The following LAMA2 variants were observed in gnomAD, a reference collection of about 807,000 sequenced individuals.
LAMA2 encodes laminin subunit alpha 2.
In LAMA2, 269 loss-of-function variants were observed where a neutral mutation model predicts 364.8. That is an observed-to-expected ratio of 0.74 (90% CI 0.67 to 0.82). The LOEUF (loss-of-function observed/expected upper bound fraction) is 0.82. Among genes scored for constraint, LAMA2 ranks in the 40% least tolerant of loss-of-function variants. The pLI is 0.00. For missense variants in LAMA2, 3,807 were observed against 3,873.2 expected (o/e 0.98, Z 0.45); for synonymous variants, 1,379 against 1,370.6 (o/e 1.01, Z -0.14).
intron 12 of LAMA2, among the ~76,000 whole-genome samples, chr6:129,201,616 G>A (rs985205605): frequency 6.6e-6 from 1 of 152,140 alleles, no homozygotes; most frequent in African/African-American, 2.4e-5. Context: ...AGCCTTAAAA[G>A]AAGTCAACTT....
chr6:129,233,684 T>C (rs1784810858), intron 12 of LAMA2, among the ~76,000 whole-genome samples: 1 of 152,148 alleles, frequency 6.6e-6, no homozygotes, highest in South Asian at 2.1e-4. Flanking sequence ...CGCGTATAAA[T>C]GGACCGGACT....
intron 12 of LAMA2, among the ~76,000 whole-genome samples, chr6:129,229,915 G>T (rs1784573975): frequency 6.6e-6 from 1 of 152,140 alleles, no homozygotes; most frequent in Non-Finnish European, 1.5e-5. Flanking sequence ...AGTTAGAGAT[G>T]CCTATTATAT....
Position 129,158,212 on chromosome 6 carries a change from G to A in LAMA2, c.1206+3529G>A, listed in dbSNP as rs1779237908. The A allele has an allele frequency of 9.3e-6, 15 of 1,613,804 alleles. No homozygotes were observed. In the East Asian group the frequency reaches 3.1e-4, roughly 34 times the overall value. ...TGGTAATCAGTAATCAAATAGAGCT[G>A]AGTCCAGGAACCTGTACCTTTAATA... On this transcript the variant is annotated intron_variant, in intron 8 of 64. Transcript: ENST00000421865.
At chr6:129,194,146 C>T (rs1481269521) in intron 12 of LAMA2, among the ~76,000 whole-genome samples, 2 of 151,594 alleles carry the variant, frequency 1.3e-5, no homozygotes, top group Admixed American at 6.6e-5. Context: ...AACAAAACAG[C>T]ACATAAGACT....
In LAMA2 at chr6:129,193,170, T is replaced by C. The variant is rs149179622; in HGVS notation, c.1782+317T>C. 5.9e-5 allele frequency among the ~76,000 whole-genome samples: 9 copies of C among 152,352 alleles called. No homozygotes were observed. In the East Asian group the frequency reaches 1.5e-3, roughly 26 times the overall value. On this transcript the variant is annotated intron_variant, in intron 12 of 64. Coordinates refer to ENST00000421865, the MANE Select transcript of LAMA2 (RefSeq NM_000426.4). ...ATTGGAAGAAACTGTGTTGTGTTTA[T>C]GTGAAAAGAGCTGTTTTCTGGAGTT...
chr6:129,195,582 G>T (rs1391765863), intron 12 of LAMA2, among the ~76,000 whole-genome samples: 3 of 152,090 alleles, frequency 2.0e-5, no homozygotes, highest in African/African-American at 7.2e-5. Flanking sequence ...TTTCCCCTAT[G>T]TACCAGTGAA....
chr6:128,922,160 A>G (rs1235653325), intron 1 of LAMA2, among the ~76,000 whole-genome samples: 1 of 152,082 alleles, frequency 6.6e-6, no homozygotes, highest in Non-Finnish European at 1.5e-5. Context: ...AAATGCCACA[A>G]TAAACATACC....
At chr6:129,398,364 A>G (rs1779772769) in intron 37 of LAMA2, among the ~76,000 whole-genome samples, 1 of 152,082 alleles carries the variant, frequency 6.6e-6, no homozygotes, top group African/African-American at 2.4e-5. Context: ...AGTGAATGAC[A>G]TATCAAAACT....
At chr6:128,979,571 G>A (rs1404495562) in intron 1 of LAMA2, among the ~76,000 whole-genome samples, 1 of 152,214 alleles carries the variant, frequency 6.6e-6, no homozygotes, top group Non-Finnish European at 1.5e-5. Context: ...AAGGGATCTT[G>A]AAAAGCAAAG....
intron 34 of LAMA2, among the ~76,000 whole-genome samples, chr6:129,375,009 C>G (rs1778293503): frequency 6.6e-6 from 1 of 151,984 alleles, no homozygotes; most frequent in Non-Finnish European, 1.5e-5. Context: ...AGGAGCTACC[C>G]TCTCTTCTTT....
intron 1 of LAMA2, among the ~76,000 whole-genome samples, chr6:129,011,296 C>A (rs1231984467): frequency 2.0e-5 from 3 of 152,182 alleles, no homozygotes; most frequent in Non-Finnish European, 4.4e-5. Context: ...CTGAAATTAA[C>A]CACATACATC....
chr6:129,428,028 T>A (rs1781410276), intron 41 of LAMA2, among the ~76,000 whole-genome samples, 174 bp downstream of exon 41: 6 of 152,248 alleles, frequency 3.9e-5, no homozygotes, highest in Admixed American at 3.9e-4. Flanking sequence ...TGTCTACCTA[T>A]CTCACTTCAA....
intron 21 of LAMA2, among the ~76,000 whole-genome samples, chr6:129,298,484 A>G (rs1269727791): frequency 1.3e-5 from 2 of 152,194 alleles, no homozygotes; most frequent in Non-Finnish European, 2.9e-5. Context: ...ATCATGAGCT[A>G]AGAAAATATC....
chr6:129,383,464 CA>C (rs1258519572), intron 35 of LAMA2, among the ~76,000 whole-genome samples: 1 of 152,158 alleles, frequency 6.6e-6, no homozygotes, highest in Non-Finnish European at 1.5e-5. Context: ...GGCAGAATAG[CA>C]GTAAATTCTT....
intron 3 of LAMA2, among the ~76,000 whole-genome samples, chr6:129,088,984 G>C (rs1027714030): frequency 8.7e-6 from 1 of 115,560 alleles, no homozygotes; most frequent in Non-Finnish European, 2.1e-5. Context: ...GGAGGTTGTA[G>C]CTAGCCGAGA....
intron 4 of LAMA2, among the ~76,000 whole-genome samples, chr6:129,142,040 A>AAT (rs1778150774): frequency 6.6e-6 from 1 of 152,082 alleles, no homozygotes; most frequent in Admixed American, 6.6e-5. Context: ...CTGTATGTTG[A>AAT]GAGATTCCTC....
At chr6:129,045,245 CAAAGA>C (rs1212999126) in intron 1 of LAMA2, among the ~76,000 whole-genome samples, 1 of 152,020 alleles carries the variant, frequency 6.6e-6, no homozygotes, top group African/African-American at 2.4e-5. Flanking sequence ...AGAAACAAAT[CAAAGA>C]AAAGAATTGA....
intron 21 of LAMA2, among the ~76,000 whole-genome samples, chr6:129,299,144 GA>G (rs980603271): frequency 1.4e-5 from 2 of 146,908 alleles, no homozygotes. Flanking sequence ...AAACACCATA[GA>G]AAAAAAAAAG....
intron 1 of LAMA2, among the ~76,000 whole-genome samples, chr6:128,936,547 C>G (rs1483165826): frequency 1.3e-5 from 2 of 152,076 alleles, no homozygotes; most frequent in Admixed American, 6.6e-5. Flanking sequence ...GTACTGACAC[C>G]TACATATAGT....
Sources: allele counts gnomAD v4.1 joint callset (sites outside exome capture counted in the v4.1 genomes callset), GRCh38; gene constraint gnomAD v4.1.1; transcripts MANE v1.5; gene names NCBI Gene and HGNC (gene_info 2026-07-23, HGNC 2026-07-21).